Variants in FARS2 observed in about 807,000 individuals in gnomAD.
The protein encoded by FARS2 is phenylalanyl-tRNA synthetase 2, mitochondrial.
A neutral mutation model predicts 46.4 loss-of-function variants in FARS2; 40 were observed. The ratio of observed to expected loss-of-function variants is 0.86; its 90% confidence interval spans 0.67 to 1.12. The LOEUF is 1.12. Ranked by LOEUF, FARS2 falls within the 50% of genes most tolerant of loss-of-function variation. The pLI is 0.00. For missense variants in FARS2, 513 were observed against 567.9 expected (o/e 0.90, Z 0.98); for synonymous variants, 234 against 214.9 (o/e 1.09, Z -0.78).
In FARS2 at chr6:5,348,485, C is replaced by T. The variant is rs111906916; in HGVS notation, c.-21-20065C>T. Among the ~76,000 whole-genome samples, 88 of 28,810 alleles carry T rather than the reference C, an allele frequency of 3.1e-3. 1 individual carries two copies. Among genetic ancestry groups the T allele is most frequent in the Non-Finnish European group, 3.8e-3 (61 of 16,120 alleles). The allele number at this position is 28,810 out of a possible 152,430, so 18.9% of individuals were successfully genotyped here. ...ACTTGTATGTTGTGTTACTTCCTTACTTATTTATTTATTTATTTTATTTAT... is the reference window on the plus strand; with the variant it reads ...ACTTGTATGTTGTGTTACTTCCTTATTTATTTATTTATTTATTTTATTTAT... On this transcript the variant is annotated intron_variant, in intron 1 of 6. Transcript: ENST00000274680.
intron 6 of FARS2, among the ~76,000 whole-genome samples, chr6:5,667,445 G>A: frequency 6.6e-6 from 1 of 151,754 alleles, no homozygotes; most frequent in Non-Finnish European, 1.5e-5. Flanking sequence ...TTGAACCCAG[G>A]AGGTGGAGGC....
Position 5,278,835 on chromosome 6 carries a change from A to G in FARS2, c.-22+17175A>G, listed in dbSNP as rs78972915. Among the ~76,000 whole-genome samples the G allele has an allele frequency of 3.7e-3, 557 of 152,324 alleles. 1 individual carries two copies. Among genetic ancestry groups the G allele is most frequent in the African/African-American group, 0.013 (544 of 41,576 alleles). On this transcript the variant is annotated intron_variant, in intron 1 of 6. Coordinates refer to ENST00000274680, the MANE Select transcript of FARS2 (RefSeq NM_006567.5). ...TGTTTTCTCTCTCTGAAAGAAATGCAGAGAGAAAGGAAATGCCTAGATGGT... is the reference window on the plus strand; with the variant it reads ...TGTTTTCTCTCTCTGAAAGAAATGCGGAGAGAAAGGAAATGCCTAGATGGT...
rs146000802 is a variant in FARS2 at position 5,371,192 on chromosome 6, G to A, written c.612+2010G>A. 83 of 984,968 alleles carry A rather than the reference G, an allele frequency of 8.4e-5. No individual in the cohort carries two copies. In the African/African-American group the frequency reaches 1.1e-3, roughly 13 times the overall value. 61.0% of individuals were successfully genotyped at this position (984,968 alleles called of 1,614,324 possible). A position where few individuals can be genotyped will look rare whatever the true frequency, so the allele number is the denominator to read the frequency against. On this transcript the variant is annotated intron_variant, in intron 2 of 6. Transcript: ENST00000274680. ...AAGAATGCTATGGAGAGTGGAGTCA[G>A]AAGATTGTGGTGTTTTCTGAATTCC...
intron 6 of FARS2, among the ~76,000 whole-genome samples, chr6:5,632,836 T>G (rs1310171648): frequency 6.6e-6 from 1 of 152,146 alleles, no homozygotes; most frequent in South Asian, 2.1e-4. Context: ...GAGTTCTCTC[T>G]TTTTTGTTCA....
intron 4 of FARS2, among the ~76,000 whole-genome samples, chr6:5,519,301 A>T (rs1184364969): frequency 6.6e-6 from 1 of 152,202 alleles, no homozygotes; most frequent in Non-Finnish European, 1.5e-5. Context: ...TGTCAGTGAA[A>T]ATAATTTAAT....
chr6:5,481,397 G>A (rs1183913944), intron 4 of FARS2, among the ~76,000 whole-genome samples: 2 of 152,174 alleles, frequency 1.3e-5, no homozygotes, highest in Admixed American at 6.5e-5. Context: ...GAAGACATGG[G>A]GCACATTGCA....
intron 5 of FARS2, among the ~76,000 whole-genome samples, chr6:5,564,570 T>A (rs377259720): frequency 2.6e-5 from 4 of 152,364 alleles, no homozygotes; most frequent in African/African-American, 9.6e-5. Context: ...GCAAAATCTT[T>A]TTCTCCAGTC....
chr6:5,562,992 T>C (rs1772097512), intron 5 of FARS2, among the ~76,000 whole-genome samples: 1 of 151,812 alleles, frequency 6.6e-6, no homozygotes, highest in African/African-American at 2.4e-5. Context: ...TTGTTTTTCT[T>C]TTTTGTTTTT....
intron 5 of FARS2, among the ~76,000 whole-genome samples, chr6:5,551,970 G>C: frequency 6.6e-6 from 1 of 152,290 alleles, no homozygotes; most frequent in African/African-American, 2.4e-5. Flanking sequence ...TATCTATAAA[G>C]ATCTTAATGT....
At chr6:5,451,712 G>A (rs1421570352) in intron 4 of FARS2, 2 of 152,210 alleles carry the variant, frequency 1.3e-5, no homozygotes, top group African/African-American at 4.8e-5. Flanking sequence ...TTATGCATAT[G>A]TATGGTTTAT....
chr6:5,646,759 TA>T (rs1296676485), intron 6 of FARS2, among the ~76,000 whole-genome samples: 1 of 152,226 alleles, frequency 6.6e-6, no homozygotes, highest in African/African-American at 2.4e-5. Context: ...AAATTCTATG[TA>T]AATAGTTATT....
chr6:5,733,788 C>T (rs989620230), intron 6 of FARS2, among the ~76,000 whole-genome samples: 21 of 152,224 alleles, frequency 1.4e-4, no homozygotes, highest in African/African-American at 3.6e-4. Context: ...TGGAGGACAC[C>T]GGCTCCTAAG....
At chr6:5,542,315 A>T (rs1297172240) in intron 4 of FARS2, among the ~76,000 whole-genome samples, 1 of 152,040 alleles carries the variant, frequency 6.6e-6, no homozygotes, top group Non-Finnish European at 1.5e-5. Flanking sequence ...GATATACCAC[A>T]ATTTCTCCAT....
At chr6:5,475,361 A>G (rs926664316) in intron 4 of FARS2, among the ~76,000 whole-genome samples, 1 of 152,246 alleles carries the variant, frequency 6.6e-6, no homozygotes, top group Non-Finnish European at 1.5e-5. Context: ...ATTTGAATGT[A>G]TGATGTAGAA....
intron 4 of FARS2, among the ~76,000 whole-genome samples, chr6:5,529,069 C>T (rs946740731): frequency 1.3e-5 from 2 of 152,136 alleles, no homozygotes; most frequent in African/African-American, 4.8e-5. Flanking sequence ...CTATTGCTTG[C>T]AGCCAAAATT....
At chr6:5,330,873 A>G (rs1008660353) in intron 1 of FARS2, among the ~76,000 whole-genome samples, 6 of 152,118 alleles carry the variant, frequency 3.9e-5, no homozygotes, top group Non-Finnish European at 5.9e-5. Context: ...TGGGAGGCCA[A>G]GGCAGGACGA....
chr6:5,565,818 C>A (rs1056806337), intron 5 of FARS2, among the ~76,000 whole-genome samples: 1 of 152,016 alleles, frequency 6.6e-6, no homozygotes, highest in Non-Finnish European at 1.5e-5. Flanking sequence ...TCCAGATTGC[C>A]GTAAATTATT....
chr6:5,618,362 C>T (rs1352196035), intron 6 of FARS2, among the ~76,000 whole-genome samples: 1 of 152,172 alleles, frequency 6.6e-6, no homozygotes, highest in Non-Finnish European at 1.5e-5. Flanking sequence ...TGAACCTTGA[C>T]CTCAAGATTT....
chr6:5,431,009 A>G (rs1763128943), intron 3 of FARS2, 32 bp from the exon 4 acceptor site: 2 of 1,606,600 alleles, frequency 1.2e-6, no homozygotes, highest in Non-Finnish European at 1.7e-6. Flanking sequence ...GCTATTTAAC[A>G]CTACTTATTT....
Sources: gnomAD v4.1 joint callset for allele counts (sites outside exome capture counted in the v4.1 genomes callset) on GRCh38, gnomAD v4.1.1 for gene constraint, MANE v1.5 for transcripts, NCBI Gene and HGNC (gene_info 2026-07-23, HGNC 2026-07-21) for gene names.